The following SH3PXD2A variants were observed in gnomAD, a reference collection of about 807,000 sequenced individuals.
SH3PXD2A encodes the protein SH3 and PX domain-containing protein 2A.
In SH3PXD2A, 32 loss-of-function variants were observed where a neutral mutation model predicts 115.2. The ratio of observed to expected loss-of-function variants is 0.28; its 90% confidence interval spans 0.21 to 0.37. The LOEUF (loss-of-function observed/expected upper bound fraction) is 0.37. Among genes scored for constraint, SH3PXD2A ranks in the 10% least tolerant of loss-of-function variants. The probability of loss-of-function intolerance (pLI) is 1.00; values close to 1 mark genes in which losing one functional copy is unlikely to be tolerated. For missense variants in SH3PXD2A, 1,328 were observed against 1,498.7 expected, an observed-to-expected ratio of 0.89 and a Z score of 1.88; for synonymous variants, 610 against 629.1, an observed-to-expected ratio of 0.97 and a Z score of 0.45.
At chr10:103,618,860 C>T (rs2036560886) in intron 10 of SH3PXD2A, among the ~76,000 whole-genome samples, 2 of 152,244 alleles carry the variant, frequency 1.3e-5, no homozygotes, top group South Asian at 4.1e-4. Flanking sequence ...GCAGCTGCCA[C>T]CCCAACCCCC....
At chr10:103,695,193 A>T (rs931712609) in intron 5 of SH3PXD2A, among the ~76,000 whole-genome samples, 27 of 152,098 alleles carry the variant, frequency 1.8e-4, no homozygotes, top group Admixed American at 1.8e-3. Flanking sequence ...CCCACTGACC[A>T]TCCCCCTGGC....
At chr10:103,605,390 C>T (rs1251773093) in intron 14 of SH3PXD2A, among the ~76,000 whole-genome samples, 2 of 152,154 alleles carry the variant, frequency 1.3e-5, no homozygotes, top group East Asian at 3.8e-4. Flanking sequence ...ATTCTAGACC[C>T]CTTGTAGGTG....
At chr10:103,800,581 T>C (rs975579217) in intron 2 of SH3PXD2A, among the ~76,000 whole-genome samples, 1 of 152,180 alleles carries the variant, frequency 6.6e-6, no homozygotes, top group Non-Finnish European at 1.5e-5. Flanking sequence ...CTGCACAAGC[T>C]TCCCTGGTCC....
In SH3PXD2A at chr10:103,627,090, T is replaced by G. The variant is rs771704485; in HGVS notation, c.717A>C (p.Glu239Asp). 2 of 1,587,690 alleles carry G rather than the reference T, an allele frequency of 1.3e-6. No individual in the cohort carries two copies. The highest frequency in any genetic ancestry group is 4.5e-5 in the East Asian group (2 of 44,750). ...DSDINTSKTG[E>D]VSKRRKAHLR... is the part of the protein sequence containing the mutation. The stretch of plus-strand genomic sequence containing the variant: ...CCCCTTGGACCTGCAAGCCCTCACC[T>G]TCTCCAGTCTTAGAGGTGTTGATGT... Residue 239 changes from glutamate (E) to aspartate (D), a missense_variant and splice_region_variant, in exon 9 of 15, where the codon GAA becomes GAC. Glu to Asp is a conservative substitution (Grantham distance 45, BLOSUM62 2). This residue lies in a region of SH3PXD2A where 509 missense variants were observed against 628.3 expected (regional missense o/e 0.81). Coordinates refer to ENST00000369774, the MANE Select transcript of SH3PXD2A (RefSeq NM_001394015.1). The surrounding 1 kb of genome is among the most constrained non-coding windows in gnomAD (Gnocchi z 4.4).
intron 1 of SH3PXD2A, among the ~76,000 whole-genome samples, chr10:103,816,320 T>C (rs1165745870): frequency 6.6e-6 from 1 of 152,212 alleles, no homozygotes; most frequent in African/African-American, 2.4e-5. Flanking sequence ...AATAAAAATA[T>C]GTAATCCAAT....
At chr10:103,721,206 C>T (rs543395600) in intron 5 of SH3PXD2A, among the ~76,000 whole-genome samples, 1 of 152,364 alleles carries the variant, frequency 6.6e-6, no homozygotes, top group Non-Finnish European at 1.5e-5. Flanking sequence ...TTCCTGTGCA[C>T]CAGTAGCACC....
chr10:103,700,864 T>C (rs996174682), intron 5 of SH3PXD2A, among the ~76,000 whole-genome samples: 8 of 151,922 alleles, frequency 5.3e-5, no homozygotes, highest in African/African-American at 1.9e-4. Flanking sequence ...GGTGATGGGG[T>C]TCAACAATGA....
At position 103,597,762 on chromosome 10, in the gene SH3PXD2A, C is replaced by A. The variant is rs557051359; in HGVS notation, c.*4054G>T. On this transcript the variant is annotated 3_prime_UTR_variant, in exon 15 of 15. Transcript: ENST00000369774. Reference sequence around the variant, plus strand: ...CCATCTTGGTAATATTGCACTTTTCCTGTCTCTCAGATTGTTTCCATTTTT... The same window carrying A: ...CCATCTTGGTAATATTGCACTTTTCATGTCTCTCAGATTGTTTCCATTTTT... The A allele has an allele frequency of 2.6e-5, 4 of 152,784 alleles. No homozygotes were observed. In the South Asian group the frequency reaches 8.3e-4, roughly 32 times the overall value. 9.5% of individuals were successfully genotyped at this position (152,784 alleles called of 1,614,324 possible).
chr10:103,785,345 G>A (rs767033944), intron 2 of SH3PXD2A, among the ~76,000 whole-genome samples: 3 of 152,164 alleles, frequency 2.0e-5, no homozygotes, highest in South Asian at 2.1e-4. Context: ...GATGAGACCC[G>A]GGGACCCTCT....
chr10:103,710,683 C>T (rs1188659477), intron 5 of SH3PXD2A, among the ~76,000 whole-genome samples: 1 of 152,164 alleles, frequency 6.6e-6, no homozygotes, highest in African/African-American at 2.4e-5. Flanking sequence ...TTAATTACCT[C>T]TGTGGTATAT....
In SH3PXD2A at chr10:103,655,303, C is replaced by T. The variant is rs778604643; in HGVS notation, c.604+5680G>A. 7.9e-5 allele frequency among the ~76,000 whole-genome samples: 12 copies of T among 152,186 alleles called. No individual in the cohort carries two copies. The South Asian group carries it at 1.0e-3, about 13-fold the overall frequency. On this transcript the variant is annotated intron_variant, in intron 8 of 14. Coordinates refer to ENST00000369774, the MANE Select transcript of SH3PXD2A (RefSeq NM_001394015.1). The stretch of plus-strand genomic sequence containing the variant: ...AAATAAGCATGTTAGTTCAGTTTTC[C>T]GCAATGCAGACTACAATAAACCTGC...
At chr10:103,790,082 C>G (rs1049061433) in intron 2 of SH3PXD2A, among the ~76,000 whole-genome samples, 1 of 152,066 alleles carries the variant, frequency 6.6e-6, no homozygotes, top group African/African-American at 2.4e-5. Flanking sequence ...GGTTCCCCAC[C>G]CCTCCCTCCA....
intron 3 of SH3PXD2A, among the ~76,000 whole-genome samples, chr10:103,762,474 A>G (rs1284723923): frequency 7.2e-5 from 11 of 152,158 alleles, no homozygotes. Flanking sequence ...GTTTGGAGGC[A>G]TAGGCCTGGG....
intron 3 of SH3PXD2A, among the ~76,000 whole-genome samples, chr10:103,745,793 C>T (rs1055573935): frequency 3.3e-5 from 5 of 152,194 alleles, no homozygotes; most frequent in African/African-American, 1.2e-4. Context: ...TCTGTGTCTC[C>T]CACACGGCTT....
intron 3 of SH3PXD2A, among the ~76,000 whole-genome samples, chr10:103,749,361 G>A (rs61870188): frequency 1.4e-3 from 218 of 152,314 alleles, no homozygotes; most frequent in Middle Eastern, 6.8e-3. Context: ...GTCACGCTTT[G>A]CCCACCTTCT....
chr10:103,808,211 C>T (rs1177562369), intron 1 of SH3PXD2A, among the ~76,000 whole-genome samples: 2 of 152,080 alleles, frequency 1.3e-5, no homozygotes, highest in Non-Finnish European at 2.9e-5. Flanking sequence ...CTGCACACCA[C>T]CGGGAAGCAG....
intron 4 of SH3PXD2A, among the ~76,000 whole-genome samples, chr10:103,734,434 C>T (rs1432779200): frequency 6.6e-6 from 1 of 152,092 alleles, no homozygotes; most frequent in African/African-American, 2.4e-5. Context: ...GGCAACAGAA[C>T]GAGACCCTGT....
rs571444053 is a variant in SH3PXD2A, at chr10:103,827,329, C to T, written c.73-25967G>A. Among the ~76,000 whole-genome samples the T allele has an allele frequency of 2.0e-4, 31 of 152,306 alleles. No individual in the cohort carries two copies. The South Asian group carries it at 6.4e-3, about 32-fold the overall frequency. On this transcript the variant is annotated intron_variant, in intron 1 of 14. Transcript: ENST00000369774. ...CTGGAATGCCCACTCCCTCCTTTCT[C>T]CCTTCTCACCTCTCACCCATCCTTC...
chr10:103,806,913 G>A (rs1564893979), intron 1 of SH3PXD2A, among the ~76,000 whole-genome samples: 1 of 152,156 alleles, frequency 6.6e-6, no homozygotes, highest in African/African-American at 2.4e-5. Context: ...CAGACACTGC[G>A]TGGGAACTCT....
Sources: gnomAD v4.1 joint callset for allele counts (sites outside exome capture counted in the v4.1 genomes callset) on GRCh38, gnomAD v4.1.1 for gene constraint, gnomAD v4.1.1 regional missense constraint, Gnocchi (gnomAD v3.1) non-coding constraint, MANE v1.5 for transcripts, NCBI Gene and HGNC (gene_info 2026-07-23, HGNC 2026-07-21) for gene names.